NKAIN2: variants seen among roughly 807,000 people sequenced by gnomAD.
NKAIN2 encodes the protein sodium/potassium-transporting ATPase subunit beta-1-interacting protein 2.
Under a neutral mutation model 32.6 loss-of-function variants are expected in NKAIN2, and 14 were observed. The ratio of observed to expected loss-of-function variants is 0.43; its 90% CI spans 0.28 to 0.67. The LOEUF (loss-of-function observed/expected upper bound fraction) is 0.67, where lower values mean the gene tolerates loss of function less well. Ranked by LOEUF, NKAIN2 falls within the 30% of genes least tolerant of loss-of-function variation. The pLI is 0.17. For synonymous variants in NKAIN2, 80 were observed against 87.2 expected, an observed-to-expected ratio of 0.92 and a Z score of 0.46; for missense variants, 198 against 258.3, an observed-to-expected ratio of 0.77 and a Z score of 1.60.
chr6:123,934,000 A>G (rs1412812707), intron 1 of NKAIN2, among the ~76,000 whole-genome samples: 5 of 148,054 alleles, frequency 3.4e-5, no homozygotes, highest in Admixed American at 2.8e-4. Flanking sequence ...TGAAGCCACT[A>G]CTGTTTGTAT....
chr6:124,158,851 G>T (rs1242287017), intron 1 of NKAIN2, among the ~76,000 whole-genome samples: 1 of 152,146 alleles, frequency 6.6e-6, no homozygotes, highest in African/African-American at 2.4e-5. Context: ...TTTTCTTATA[G>T]TAAGTATCCA....
intron 1 of NKAIN2, among the ~76,000 whole-genome samples, chr6:124,241,392 C>A (rs1793086230): frequency 6.6e-6 from 1 of 152,220 alleles, no homozygotes. Flanking sequence ...GAAAAAACTA[C>A]TTTAAATTTC....
intron 1 of NKAIN2, among the ~76,000 whole-genome samples, chr6:123,877,008 G>A (rs1305841720): frequency 6.6e-6 from 1 of 151,984 alleles, no homozygotes; most frequent in Non-Finnish European, 1.5e-5. Flanking sequence ...TATTGATAAT[G>A]TTATCTTCTC....
intron 3 of NKAIN2, among the ~76,000 whole-genome samples, chr6:124,512,679 A>G (rs879035597): frequency 2.0e-5 from 3 of 152,176 alleles, no homozygotes; most frequent in Admixed American, 2.0e-4. Context: ...TGTGCAACAC[A>G]GTATACCACC....
At chr6:124,260,879 T>C (rs1341214873) in intron 1 of NKAIN2, among the ~76,000 whole-genome samples, 1 of 152,184 alleles carries the variant, frequency 6.6e-6, no homozygotes, top group East Asian at 1.9e-4. Context: ...TCTGAGAATT[T>C]TGAGCAGTGA....
At chr6:124,289,581 G>A (rs1211538820) in intron 2 of NKAIN2, among the ~76,000 whole-genome samples, 2 of 152,122 alleles carry the variant, frequency 1.3e-5, no homozygotes. Flanking sequence ...TACTCAATTT[G>A]CATGGGGGAA....
At chr6:124,270,563 A>T (rs1794713386) in intron 1 of NKAIN2, among the ~76,000 whole-genome samples, 1 of 152,184 alleles carries the variant, frequency 6.6e-6, no homozygotes, top group Non-Finnish European at 1.5e-5. Context: ...AAGCAATACC[A>T]TATGATACAT....
intron 1 of NKAIN2, among the ~76,000 whole-genome samples, chr6:124,182,104 GC>G (rs1789474123): frequency 6.6e-6 from 1 of 152,152 alleles, no homozygotes; most frequent in Non-Finnish European, 1.5e-5. Flanking sequence ...AGGAGCAAAG[GC>G]ATGTCTTACT....
intron 1 of NKAIN2, among the ~76,000 whole-genome samples, chr6:124,038,747 A>G (rs2114804159): frequency 6.6e-6 from 1 of 152,282 alleles, no homozygotes; most frequent in Admixed American, 6.5e-5. Flanking sequence ...TGTAATATAT[A>G]ACTTTAATGA....
In NKAIN2 at chr6:124,028,546, AT is replaced by A. The variant is rs111919712; in HGVS notation, c.54+224296del. Among the ~76,000 whole-genome samples the A allele has an allele frequency of 5.2e-4, 78 of 151,326 alleles. No individual in the cohort carries two copies. The East Asian group carries it at 0.012, about 23-fold the overall frequency. ...TTAAAGTATAATAATAATAAAATAA[AT>A]TTTAAAAAAAAGGAAATGGACTATG... On this transcript the variant is annotated intron_variant, in intron 1 of 6. Transcript: ENST00000368417.
chr6:124,564,879 A>C (rs1780844700), intron 3 of NKAIN2, among the ~76,000 whole-genome samples: 1 of 152,242 alleles, frequency 6.6e-6, no homozygotes, highest in African/African-American at 2.4e-5. Context: ...TACTTTAAAT[A>C]AACGTAAGGT....
intron 1 of NKAIN2, among the ~76,000 whole-genome samples, chr6:124,179,336 C>G (rs974677801): frequency 6.6e-5 from 10 of 152,130 alleles, no homozygotes; most frequent in Non-Finnish European, 1.0e-4. Flanking sequence ...TTCAGCTATT[C>G]TGTGTGTAGG....
rs552200762 is a variant in NKAIN2 at position 123,816,978 on chromosome 6, G to A, written c.54+12724G>A. On this transcript the variant is annotated intron_variant, in intron 1 of 6. Coordinates refer to ENST00000368417, the MANE Select transcript of NKAIN2 (RefSeq NM_001040214.3). ...AGATGCTTGGAAATAAGAGACCTAAGAGGAACACAGTGAGGAGAGAAAAAG... is the reference window on the plus strand; with the variant it reads ...AGATGCTTGGAAATAAGAGACCTAAAAGGAACACAGTGAGGAGAGAAAAAG... Among the ~76,000 whole-genome samples, 6 of 152,288 alleles carry A rather than the reference G, an allele frequency of 3.9e-5. No homozygotes were observed. The South Asian group carries it at 1.2e-3, about 32-fold the overall frequency.
chr6:124,797,192 AT>A (rs1349914482), intron 5 of NKAIN2, among the ~76,000 whole-genome samples: 60 of 135,814 alleles, frequency 4.4e-4, no homozygotes, highest in African/African-American at 1.6e-3. Context: ...AAAAAAAAAA[AT>A]CATCATGACT....
At chr6:124,581,160 C>T (rs1781503757) in intron 3 of NKAIN2, among the ~76,000 whole-genome samples, 1 of 152,162 alleles carries the variant, frequency 6.6e-6, no homozygotes, top group Non-Finnish European at 1.5e-5. Flanking sequence ...AAACATTGGG[C>T]CGGGCGCGGT....
At chr6:123,913,864 T>C (rs775176868) in intron 1 of NKAIN2, among the ~76,000 whole-genome samples, 12 of 152,172 alleles carry the variant, frequency 7.9e-5, no homozygotes, top group Non-Finnish European at 1.3e-4. Flanking sequence ...CCTCAGGCAA[T>C]ATAATTAATA....
chr6:124,405,258 A>T (rs1355505922), intron 3 of NKAIN2, among the ~76,000 whole-genome samples: 1 of 152,180 alleles, frequency 6.6e-6, no homozygotes, highest in Non-Finnish European at 1.5e-5. Context: ...TAAAACCACA[A>T]ATAATCTCAA....
chr6:123,807,471 A>T (rs1304625052), intron 1 of NKAIN2, among the ~76,000 whole-genome samples: 1 of 152,082 alleles, frequency 6.6e-6, no homozygotes, highest in African/African-American at 2.4e-5. Flanking sequence ...AACAAAAATC[A>T]TCACTGCATT....
intron 4 of NKAIN2, among the ~76,000 whole-genome samples, chr6:124,718,500 T>C (rs1342976627): frequency 1.3e-5 from 2 of 152,234 alleles, no homozygotes; most frequent in African/African-American, 4.8e-5. Flanking sequence ...ACTGGGTTAC[T>C]CCCACTTTTT....
Sources: allele counts gnomAD v4.1 joint callset (sites outside exome capture counted in the v4.1 genomes callset), GRCh38; gene constraint gnomAD v4.1.1; transcripts MANE v1.5; gene names NCBI Gene and HGNC (gene_info 2026-07-23, HGNC 2026-07-21).